Variants in TBX3 observed in about 807,000 individuals in gnomAD.
The protein encoded by TBX3 is T-box transcription factor 3.
TBX3 carries 11 observed loss-of-function variants against 47.8 expected under a neutral mutation model. That is an observed-to-expected ratio of 0.23 (90% CI 0.14 to 0.38). TBX3 has a LOEUF of 0.38. Ranked by LOEUF, TBX3 falls within the 10% of genes least tolerant of loss-of-function variation. The probability of loss-of-function intolerance (pLI) is 1.00; values close to 1 mark genes in which losing one functional copy is unlikely to be tolerated. For missense variants in TBX3, 927 were observed against 1,022.8 expected (o/e 0.91, Z 1.28); for synonymous variants, 500 against 449.3 (o/e 1.11, Z -1.43).
rs775182377 is a variant in TBX3, at chr12:114,674,617, C to T, written c.1258G>A (p.Ala420Thr). ...KASPDSRHSP[A>T]TISSSTRGLG... ...CCGCGAGTGCTGGACGAGATGGTGG[C>T]GGGGCTATGGCGTGAGTCGGGCGAC... Residue 420 changes from alanine to threonine, a missense_variant, in exon 6 of 7, where the codon GCC becomes ACC. By Grantham distance (58) the Ala-to-Thr change is moderately conservative. This residue lies in a region of TBX3 where 623 missense variants were observed against 569.0 expected (regional missense o/e 1.09). Transcript: ENST00000349155. 5 of 1,602,778 alleles carry T rather than the reference C, an allele frequency of 3.1e-6. No individual in the cohort carries two copies. Among genetic ancestry groups the T allele is most frequent in the Non-Finnish European group, 4.3e-6 (5 of 1,176,360 alleles).
intron 5 of TBX3, among the ~76,000 whole-genome samples, chr12:114,675,791 T>A (rs868650385): frequency 6.7e-6 from 1 of 149,104 alleles, no homozygotes; most frequent in African/African-American, 2.5e-5. Flanking sequence ...AGATCCCCAG[T>A]GCTCCACCTC....
In TBX3 at chr12:114,683,273, GTTGT is replaced by G. The variant is rs931290234; in HGVS notation, c.-77_-74del. ...TGCTGTGTTTTGTTGTTTTTTTGTT[GTTGT>G]TTAACAGCAGCACATAATTCAAAAG... On this transcript the variant is annotated 5_prime_UTR_variant, in exon 1 of 7. Coordinates refer to ENST00000349155, the MANE Select transcript of TBX3 (RefSeq NM_005996.4). The surrounding 1 kb of genome is among the most constrained non-coding windows in gnomAD (Gnocchi z 7.7). 10 of 1,577,240 alleles carry G rather than the reference GTTGT, an allele frequency of 6.3e-6. No homozygotes were observed. The highest frequency in any genetic ancestry group is 4.1e-5 in the African/African-American group (3 of 73,712).
Position 114,682,583 on chromosome 12 carries a change from C to A in TBX3, c.389+229G>T, listed in dbSNP as rs562948880. On this transcript the variant is annotated intron_variant, in intron 1 of 6. Transcript: ENST00000349155. ...GCTCCACTGAAAAATTCTGTCTGTTCGGGAGGGAACCCAGGATGCAGACCA... is the reference window on the plus strand; with the variant it reads ...GCTCCACTGAAAAATTCTGTCTGTTAGGGAGGGAACCCAGGATGCAGACCA... Among the ~76,000 whole-genome samples the A allele has an allele frequency of 3.3e-5, 5 of 151,192 alleles. No individual in the cohort carries two copies. The South Asian group carries it at 1.0e-3, about 32-fold the overall frequency.
Position 114,670,868 on chromosome 12 carries a change from GT to G in TBX3, c.*972del, listed in dbSNP as rs1283809821. The G allele has an allele frequency of 4.7e-6, 1 of 214,836 alleles. No individual in the cohort carries two copies. Among genetic ancestry groups the G allele is most frequent in the Admixed American group, 5.8e-5 (1 of 17,096 alleles). 13.3% of individuals were successfully genotyped at this position (214,836 alleles called of 1,614,324 possible). ...CTATGTACAATGTCAATAAATTAAA[GT>G]TTAATTTTCCAAGCATTCATATTCC... On this transcript the variant is annotated 3_prime_UTR_variant, in exon 7 of 7. Transcript: ENST00000349155.
intron 2 of TBX3, chr12:114,679,912 C>T: frequency 6.2e-7 from 1 of 1,614,130 alleles, no homozygotes. Context: ...CCCTAGCCTA[C>T]CTGAGTACCA....
intron 5 of TBX3, among the ~76,000 whole-genome samples, chr12:114,675,633 AGTGTGTGTGTGTGT>A (rs3068612): frequency 0.43 from 64,840 of 149,910 alleles, 13,969 homozygotes; most frequent in Middle Eastern, 0.5. Context: ...TCCCGTTGAG[AGTGTGTGTGTGTGT>A]GTGTGTGTGT....
chr12:114,682,995 A>G lies in TBX3; in HGVS notation c.206T>C (p.Val69Ala), dbSNP rs762772236. 7 of 1,613,740 alleles carry G rather than the reference A, an allele frequency of 4.3e-6. No individual in the cohort carries two copies. The highest frequency in any genetic ancestry group is 1.3e-5 in the African/African-American group (1 of 74,898). The change falls in exon 1 of 7, where the codon GTG becomes GCG. Residue 69 changes from valine to alanine, a missense_variant. Transcript: ENST00000349155. ...ALAKPIMDQL[V>A]GAAETGIPFS... ...CGGGATGCCGGTCTCGGCCGCCCCC[A>G]CCAATTGATCCATGATCGGCTTGGC...
intron 2 of TBX3, chr12:114,680,096 T>C (rs1382143308): frequency 6.3e-6 from 6 of 954,096 alleles, no homozygotes; most frequent in Non-Finnish European, 9.8e-6. Flanking sequence ...GAGGAATATT[T>C]ATGCCTTAAT....
At chr12:114,675,817 T>C (rs1395453102) in intron 5 of TBX3, among the ~76,000 whole-genome samples, 1 of 151,282 alleles carries the variant, frequency 6.6e-6, no homozygotes, top group Non-Finnish European at 1.5e-5. Flanking sequence ...CCAGGTCAAT[T>C]GTTGCTTTAT....
chr12:114,674,157 A>T lies in TBX3; in HGVS notation c.1710+8T>A. ...AAGACTGGTGGAGGCAGGAAGAAGG[A>T]TCCATACCTGAGAGGCCAGGACGTG... On this transcript the variant is annotated splice_region_variant and intron_variant, in intron 6 of 6. Transcript: ENST00000349155. The T allele has an allele frequency of 6.3e-7, 1 of 1,579,780 alleles. No individual in the cohort carries two copies.
chr12:114,680,767 G>A (rs1868892795), intron 2 of TBX3, 112 bp downstream of exon 2: 2 of 1,473,010 alleles, frequency 1.4e-6, no homozygotes, highest in Non-Finnish European at 1.9e-6. Flanking sequence ...AGTTTGCTAT[G>A]CTTAGGGAGA....
In TBX3 at chr12:114,683,768, A is replaced by T. The variant is rs557484451; in HGVS notation, c.-568T>A. The T allele has an allele frequency of 4.4e-6, 1 of 227,468 alleles. No homozygotes were observed. The highest frequency in any genetic ancestry group is 1.3e-3 in the Middle Eastern group (1 of 770). The allele number at this position is 227,468 out of a possible 1,614,324, so 14.1% of individuals were successfully genotyped here. Reference sequence around the variant, plus strand: ...ACCCGGCTTTAACAGGGAGCGAGAGAGCGGAAAAAGTCTCTCTCCTTTAAA... The same window carrying T: ...ACCCGGCTTTAACAGGGAGCGAGAGTGCGGAAAAAGTCTCTCTCCTTTAAA... On this transcript the variant is annotated 5_prime_UTR_variant, in exon 1 of 7. Coordinates refer to ENST00000349155, the MANE Select transcript of TBX3 (RefSeq NM_005996.4). This position sits in a 1 kb window ranked among gnomAD's most constrained non-coding sequence, Gnocchi z 7.7.
intron 1 of TBX3, among the ~76,000 whole-genome samples, chr12:114,681,971 A>C (rs2121155634): frequency 6.6e-6 from 1 of 152,336 alleles, no homozygotes; most frequent in Non-Finnish European, 1.5e-5. Flanking sequence ...AGAACGCTTA[A>C]GATATCATGA....
intron 2 of TBX3, chr12:114,680,289 G>A: frequency 5.0e-6 from 2 of 398,372 alleles, no homozygotes; most frequent in Non-Finnish European, 9.3e-6. Flanking sequence ...AGCAATGAAA[G>A]TTTTCTAAGT....
In TBX3 at chr12:114,674,778, C is replaced by A; in HGVS notation, c.1097G>T (p.Gly366Val). The A allele has an allele frequency of 1.3e-6, 2 of 1,586,554 alleles. No individual in the cohort carries two copies. The highest frequency in any genetic ancestry group is 1.7e-6 in the Non-Finnish European group (2 of 1,171,594). ...CTTGGCCGCGTCGCAGGCCTCGGGG[C>A]CATGCTCCTCTTTGCTCTCGGCCTC... ...DAEAESKEEH[G>V]PEACDAAKIS... The change falls in exon 6 of 7, where the codon GGC (glycine) becomes GTC (valine). Residue 366 changes from glycine (G) to valine (V), a missense_variant. This residue lies in a region of TBX3 where 623 missense variants were observed against 569.0 expected (regional missense o/e 1.09). Transcript: ENST00000349155.
chr12:114,673,293 G>C (rs148786951), intron 6 of TBX3, among the ~76,000 whole-genome samples: 1 of 152,202 alleles, frequency 6.6e-6, no homozygotes, highest in East Asian at 1.9e-4. Context: ...GAGACCAGAC[G>C]AATGTGCTCA....
rs533644218 is a variant in TBX3 at position 114,683,791 on chromosome 12, A to T, written c.-591T>A. On this transcript the variant is annotated 5_prime_UTR_variant, in exon 1 of 7. Transcript: ENST00000349155. The surrounding 1 kb of genome is among the most constrained non-coding windows in gnomAD (Gnocchi z 7.7). ...AGAGCGGAAAAAGTCTCTCTCCTTT[A>T]AAAAAAAAAAAATCTGATTTAAACC... 142 of 43,702 alleles carry T rather than the reference A, an allele frequency of 3.2e-3. 1 individual carries two copies. Among genetic ancestry groups the T allele is most frequent in the African/African-American group, 0.015 (136 of 9,022 alleles). 2.7% of individuals were successfully genotyped at this position (43,702 alleles called of 1,614,324 possible). A position where few individuals can be genotyped will look rare whatever the true frequency, so the allele number is the denominator to read the frequency against.
Position 114,674,595 on chromosome 12 carries a change from C to T in TBX3, c.1280G>A (p.Arg427His), listed in dbSNP as rs770040454. 6.3e-7 allele frequency: 1 copy of T among 1,594,820 alleles called. No homozygotes were observed. The highest frequency in any genetic ancestry group is 1.7e-5 in the Admixed American group (1 of 58,672). ...CCTGCGCTCCTCCGCGCCCAGGCCGCGAGTGCTGGACGAGATGGTGGCGGG... is the reference window on the plus strand; with the variant it reads ...CCTGCGCTCCTCCGCGCCCAGGCCGTGAGTGCTGGACGAGATGGTGGCGGG... ...HSPATISSST[R>H]GLGAEERRSP... is the part of the protein sequence containing the mutation. The change falls in exon 6 of 7, where the codon CGC (arginine) becomes CAC (histidine). Residue 427 changes from arginine (R) to histidine (H), a missense_variant. Transcript: ENST00000349155.
intron 6 of TBX3, 50 bp from the exon 7 acceptor site, chr12:114,672,352 T>C (rs1868485310): frequency 7.1e-7 from 1 of 1,414,514 alleles, no homozygotes; most frequent in Non-Finnish European, 9.5e-7. Context: ...GGGAGGAGCT[T>C]ATCTCATCCC....
Sources: gnomAD v4.1 joint callset for allele counts (sites outside exome capture counted in the v4.1 genomes callset) on GRCh38, gnomAD v4.1.1 for gene constraint, gnomAD v4.1.1 regional missense constraint, Gnocchi (gnomAD v3.1) non-coding constraint, MANE v1.5 for transcripts, NCBI Gene and HGNC (gene_info 2026-07-23, HGNC 2026-07-21) for gene names.